Variants in FREM2 observed in about 807,000 individuals in gnomAD.
FREM2 encodes the protein FRAS1-related extracellular matrix protein 2.
Under a neutral mutation model 219.9 loss-of-function variants are expected in FREM2, and 119 were observed. That is an observed-to-expected ratio of 0.54 (90% CI 0.47 to 0.63). The LOEUF (loss-of-function observed/expected upper bound fraction) is 0.63. Among genes scored for constraint, FREM2 ranks in the 30% least tolerant of loss-of-function variants. The probability of loss-of-function intolerance (pLI) is 0.00; values close to 1 mark genes in which losing one functional copy is unlikely to be tolerated. For missense variants in FREM2, 4,030 were observed against 3,993.6 expected (o/e 1.01, Z -0.25); for synonymous variants, 1,562 against 1,522.8 (o/e 1.03, Z -0.60).
At chr13:38,841,017 A>G (rs1039657676) in intron 6 of FREM2, among the ~76,000 whole-genome samples, 1 of 152,192 alleles carries the variant, frequency 6.6e-6, no homozygotes, top group Non-Finnish European at 1.5e-5. Context: ...AGTCAAGGGC[A>G]CAGGCTTTAT....
intron 2 of FREM2, among the ~76,000 whole-genome samples, chr13:38,763,284 C>T (rs920643289): frequency 6.6e-6 from 1 of 151,940 alleles, no homozygotes; most frequent in African/African-American, 2.4e-5. Flanking sequence ...TTTAAAAGTT[C>T]GAGCAAAGAT....
intron 22 of FREM2, 107 bp from the exon 23 acceptor site, chr13:38,878,724 C>T (rs1308167921): frequency 1.7e-6 from 2 of 1,147,402 alleles, no homozygotes; most frequent in African/African-American, 1.5e-5. Context: ...CAAATGGTGA[C>T]ATTTTATAGT....
intron 6 of FREM2, among the ~76,000 whole-genome samples, chr13:38,814,840 C>G (rs1210122130): frequency 6.6e-6 from 1 of 152,186 alleles, no homozygotes; most frequent in Non-Finnish European, 1.5e-5. Context: ...CTCCCTGGGA[C>G]CACCACCACC....
intron 2 of FREM2, among the ~76,000 whole-genome samples, chr13:38,754,885 TGATGATGATGATG>T (rs1872921944): frequency 1.0e-5 from 1 of 100,438 alleles, no homozygotes; most frequent in African/African-American, 3.5e-5. Context: ...ATGATGATGA[TGATGATGATGATG>T]ATGATTATTA....
In FREM2 at chr13:38,748,015, G is replaced by A. The variant is rs1385460354; in HGVS notation, c.5264-16289G>A. Among the ~76,000 whole-genome samples, 3 of 152,248 alleles carry A rather than the reference G, an allele frequency of 2.0e-5. No individual in the cohort carries two copies. The East Asian group carries it at 5.8e-4, about 29-fold the overall frequency. ...ACTAAGATCCAACTGAAAACAGGAG[G>A]CCGACATAGCTCGTTGTACATTGTT... is the stretch of plus-strand genomic sequence containing the variant. On this transcript the variant is annotated intron_variant, in intron 2 of 23. Transcript: ENST00000280481.
At chr13:38,735,725 A>G (rs939247556) in intron 2 of FREM2, among the ~76,000 whole-genome samples, 36 of 152,184 alleles carry the variant, frequency 2.4e-4, no homozygotes, top group Non-Finnish European at 4.7e-4. Flanking sequence ...AAGTAGGCCT[A>G]GCAGCTGAGG....
chr13:38,780,078 A>G (rs958184549), intron 4 of FREM2, among the ~76,000 whole-genome samples: 2 of 152,166 alleles, frequency 1.3e-5, no homozygotes, highest in Non-Finnish European at 2.9e-5. Context: ...TACCATCAAC[A>G]TGTTCAGTTT....
At chr13:38,804,226 A>G (rs1482022166) in intron 6 of FREM2, among the ~76,000 whole-genome samples, 1 of 151,978 alleles carries the variant, frequency 6.6e-6, no homozygotes, top group Non-Finnish European at 1.5e-5. Flanking sequence ...TGATGATTCT[A>G]ACAATTCGCT....
chr13:38,841,976 G>T (rs1876980083), intron 6 of FREM2, among the ~76,000 whole-genome samples: 1 of 152,164 alleles, frequency 6.6e-6, no homozygotes, highest in Admixed American at 6.5e-5. Flanking sequence ...GCTTTGTTTG[G>T]TAGGGGAAAG....
intron 4 of FREM2, among the ~76,000 whole-genome samples, chr13:38,780,799 C>G (rs149077212): frequency 6.6e-6 from 1 of 152,292 alleles, no homozygotes; most frequent in Non-Finnish European, 1.5e-5. Context: ...CATATATGCA[C>G]CTCTAACCAT....
Position 38,689,703 on chromosome 13 carries a change from A to G in FREM2, c.2359A>G (p.Arg787Gly). Residue 787 changes from arginine (R) to glycine (G), a missense_variant, in exon 1 of 24, where the codon AGA becomes GGA. Physicochemically the swap from Arg to Gly is moderately radical, Grantham distance 125 (BLOSUM62 -2). This residue lies in a region of FREM2 where 3,102 missense variants were observed against 2,950.7 expected (regional missense o/e 1.05). Transcript: ENST00000280481. Reference sequence around the variant, plus strand: ...GATCAACCATCATAAAATTGCTTACAGACCCCCGGGTCAAGAACTGGGCGT... The same window carrying G: ...GATCAACCATCATAAAATTGCTTACGGACCCCCGGGTCAAGAACTGGGCGT... Reference protein sequence around the residue: ...AQINHHKIAYRPPGQELGVAT... With the variant: ...AQINHHKIAYGPPGQELGVAT... 1 of 1,614,000 alleles carries G rather than the reference A, an allele frequency of 6.2e-7. No homozygotes were observed. Among genetic ancestry groups the G allele is most frequent in the Non-Finnish European group, 8.5e-7 (1 of 1,179,944 alleles).
chr13:38,699,224 A>G (rs1431802679), intron 2 of FREM2, among the ~76,000 whole-genome samples: 1 of 152,174 alleles, frequency 6.6e-6, no homozygotes, highest in African/African-American at 2.4e-5. Flanking sequence ...GACTTTCTGT[A>G]AAATTACCAA....
Position 38,784,627 on chromosome 13 carries a change from C to A in FREM2, c.5838C>A (p.His1946Gln). 6.2e-7 allele frequency: 1 copy of A among 1,614,166 alleles called. No individual in the cohort carries two copies. ...YSDYISRPED[H>Q]TSVVRFDKDE... ...ATTACATATCCAGGCCTGAGGACCA[C>A]ACCAGTGTTGTCCGCTTTGACAAAG... The change falls in exon 6 of 24, where the codon CAC (histidine) becomes CAA (glutamine). Residue 1946 changes from histidine to glutamine, a missense_variant. Coordinates refer to ENST00000280481, the MANE Select transcript of FREM2 (RefSeq NM_207361.6).
intron 6 of FREM2, among the ~76,000 whole-genome samples, chr13:38,815,941 G>C (rs1199572231): frequency 1.3e-5 from 2 of 152,170 alleles, no homozygotes; most frequent in Non-Finnish European, 2.9e-5. Flanking sequence ...TTCAACATGA[G>C]ATTTGGTGGG....
At chr13:38,870,119 A>G (rs1878108175) in intron 16 of FREM2, among the ~76,000 whole-genome samples, 1 of 152,170 alleles carries the variant, frequency 6.6e-6, no homozygotes, top group East Asian at 1.9e-4. Flanking sequence ...GGGAATAATT[A>G]TGCCTCTTTT....
At chr13:38,781,205 C>T (rs1389948304) in intron 4 of FREM2, among the ~76,000 whole-genome samples, 1 of 152,130 alleles carries the variant, frequency 6.6e-6, no homozygotes, top group East Asian at 1.9e-4. Flanking sequence ...TCCTTGTACA[C>T]ACTTGGCACA....
chr13:38,856,676 G>A (rs1161084180), intron 12 of FREM2, among the ~76,000 whole-genome samples: 1 of 151,700 alleles, frequency 6.6e-6, no homozygotes, highest in Non-Finnish European at 1.5e-5. Context: ...CCAAATCAAA[G>A]TCTGTTTCTC....
intron 2 of FREM2, among the ~76,000 whole-genome samples, chr13:38,752,295 G>A (rs984186516): frequency 6.6e-6 from 1 of 151,924 alleles, no homozygotes; most frequent in African/African-American, 2.4e-5. Context: ...TAAGTAACCA[G>A]GTATAATGCT....
chr13:38,874,574 C>A lies in FREM2; in HGVS notation c.8269C>A (p.Leu2757Met). The A allele has an allele frequency of 1.2e-6, 2 of 1,613,688 alleles. No individual in the cohort carries two copies. Among genetic ancestry groups the A allele is most frequent in the Non-Finnish European group, 1.7e-6 (2 of 1,179,558 alleles). Residue 2757 changes from leucine (L) to methionine (M), a missense_variant, in exon 18 of 24, where the codon CTG (leucine) becomes ATG (methionine). This residue lies in a region of FREM2 where 928 missense variants were observed against 1,042.9 expected (regional missense o/e 0.89). Coordinates refer to ENST00000280481, the MANE Select transcript of FREM2 (RefSeq NM_207361.6). ...GGCTCAGTTCCATGGCTTATTTGTG[C>A]TGTCACATCCCGGTAAGCCCCGTTA... ...TEAQFHGLFVLSHPASFTSSV... is the reference protein window; with the variant it reads ...TEAQFHGLFVMSHPASFTSSV...
Sources: gnomAD v4.1 joint callset for allele counts (sites outside exome capture counted in the v4.1 genomes callset) on GRCh38, gnomAD v4.1.1 for gene constraint, gnomAD v4.1.1 regional missense constraint, MANE v1.5 for transcripts, NCBI Gene and HGNC (gene_info 2026-07-23, HGNC 2026-07-21) for gene names.